The following PEBP4 variants were observed in gnomAD, a reference collection of about 807,000 sequenced individuals.
The protein encoded by PEBP4 is phosphatidylethanolamine binding protein 4.
Under a neutral mutation model 23.9 loss-of-function variants are expected in PEBP4, and 22 were observed. The observed-to-expected ratio is 0.92, with a 90% confidence interval of 0.66 to 1.31. PEBP4 has a LOEUF of 1.31. PEBP4 is among the 40% of genes most tolerant of loss of function. The pLI is 0.00. For missense variants in PEBP4, 324 were observed against 281.7 expected (o/e 1.15, Z -1.07); for synonymous variants, 112 against 99.3 (o/e 1.13, Z -0.76).
intron 3 of PEBP4, among the ~76,000 whole-genome samples, chr8:22,860,207 C>T (rs536260864): frequency 4.4e-5 from 6 of 135,878 alleles, no homozygotes; most frequent in African/African-American, 1.7e-4. Flanking sequence ...TATATATATA[C>T]ACATATATGT....
chr8:22,727,756 A>G (rs1188686516), intron 4 of PEBP4, among the ~76,000 whole-genome samples: 1 of 152,144 alleles, frequency 6.6e-6, no homozygotes, highest in Non-Finnish European at 1.5e-5. Context: ...AGGAGGCTAC[A>G]CTGCCTGATT....
At chr8:22,800,708 T>C (rs1455917468) in intron 4 of PEBP4, among the ~76,000 whole-genome samples, 4 of 152,106 alleles carry the variant, frequency 2.6e-5, no homozygotes, top group African/African-American at 9.7e-5. Context: ...TCCCTGGGAT[T>C]ACAGCAGGAC....
chr8:22,860,634 T>G (rs1807756801), intron 3 of PEBP4, among the ~76,000 whole-genome samples: 2 of 152,304 alleles, frequency 1.3e-5, no homozygotes, highest in Non-Finnish European at 2.9e-5. Flanking sequence ...TCCCATCTTT[T>G]TTGCCCTCTC....
At chr8:22,790,097 CCTCT>C (rs1411147090) in intron 4 of PEBP4, among the ~76,000 whole-genome samples, 2 of 152,216 alleles carry the variant, frequency 1.3e-5, no homozygotes, top group Non-Finnish European at 2.9e-5. Context: ...CCCCATCAAC[CCTCT>C]CTAAGTCTCA....
rs377109138 is a variant in PEBP4, at chr8:22,927,622, G to A, written c.93C>T (p.Ala31=). Residue 31 remains alanine, a synonymous_variant, in exon 2 of 7, where the codon GCC becomes GCT. Transcript: ENST00000256404. The part of the protein sequence containing the change: ...TGDEDENSPC[A]HEALLDEDTL... ...TGTCCTCGTCCAAGAGGGCCTCATG[G>A]GCACACGGGCTGTTCTCATCCTCGT... The A allele has an allele frequency of 6.2e-7, 1 of 1,613,422 alleles. No individual in the cohort carries two copies. The highest frequency in any genetic ancestry group is 8.5e-7 in the Non-Finnish European group (1 of 1,179,650).
chr8:22,747,115 T>C (rs942041662), intron 4 of PEBP4, among the ~76,000 whole-genome samples: 1 of 152,236 alleles, frequency 6.6e-6, no homozygotes, highest in Non-Finnish European at 1.5e-5. Context: ...AGGCATGAGC[T>C]ACCATACCTG....
At chr8:22,782,984 G>A (rs554826232) in intron 4 of PEBP4, among the ~76,000 whole-genome samples, 11 of 152,304 alleles carry the variant, frequency 7.2e-5, no homozygotes, top group East Asian at 1.9e-4. Flanking sequence ...CAGCAATCCC[G>A]GGAGGTTCCA....
chr8:22,728,551 TCTTTCTTTCTTCCTTCCTTCCTTC>T (rs1563196286), intron 4 of PEBP4, among the ~76,000 whole-genome samples: 1 of 75,606 alleles, frequency 1.3e-5, no homozygotes, highest in African/African-American at 4.6e-5. Flanking sequence ...TTCCTTTCTT[TCTTTCTTTCTTCCTTCCTTCCTTC>T]CTTCCTTCCT....
At chr8:22,876,977 G>A (rs1285864266) in intron 3 of PEBP4, among the ~76,000 whole-genome samples, 1 of 152,178 alleles carries the variant, frequency 6.6e-6, no homozygotes, top group Non-Finnish European at 1.5e-5. Flanking sequence ...TCTTTGCCAG[G>A]ACTGAAATGT....
intron 3 of PEBP4, among the ~76,000 whole-genome samples, chr8:22,844,435 C>A (rs1043447051): frequency 6.6e-6 from 1 of 152,116 alleles, no homozygotes; most frequent in African/African-American, 2.4e-5. Flanking sequence ...GACGGGCTTT[C>A]TCCATGTTGG....
At chr8:22,817,771 T>A (rs1324336910) in intron 3 of PEBP4, 36 bp from the exon 4 acceptor site, 1 of 1,588,314 alleles carries the variant, frequency 6.3e-7, no homozygotes, top group Non-Finnish European at 8.6e-7. Context: ...TGTAGCGTCA[T>A]GGCTGAAATA....
At chr8:22,819,707 C>T (rs953889759) in intron 3 of PEBP4, among the ~76,000 whole-genome samples, 4 of 152,138 alleles carry the variant, frequency 2.6e-5, no homozygotes, top group East Asian at 1.9e-4. Flanking sequence ...CCGGGGTTCA[C>T]GCCATTCTCC....
At chr8:22,893,209 T>A (rs1211284011) in intron 3 of PEBP4, among the ~76,000 whole-genome samples, 1 of 152,178 alleles carries the variant, frequency 6.6e-6, no homozygotes, top group African/African-American at 2.4e-5. Context: ...GGGAGAGTAT[T>A]CAGCAGTGGG....
At chr8:22,868,324 T>C (rs1807947126) in intron 3 of PEBP4, among the ~76,000 whole-genome samples, 1 of 152,190 alleles carries the variant, frequency 6.6e-6, no homozygotes, top group Admixed American at 6.5e-5. Flanking sequence ...TTTGGTAGCC[T>C]GGATTTGTTC....
intron 3 of PEBP4, among the ~76,000 whole-genome samples, chr8:22,867,091 C>A (rs1279893777): frequency 6.6e-6 from 1 of 152,142 alleles, no homozygotes; most frequent in South Asian, 2.1e-4. Flanking sequence ...GGAAGCCCCT[C>A]GGGTAGAGAA....
At chr8:22,737,945 G>A (rs112097266) in intron 4 of PEBP4, among the ~76,000 whole-genome samples, 3 of 152,212 alleles carry the variant, frequency 2.0e-5, no homozygotes, top group East Asian at 1.9e-4. Context: ...GGTGGTTGCC[G>A]GGGAGTAGAC....
chr8:22,862,096 AG>A (rs968354521), intron 3 of PEBP4, among the ~76,000 whole-genome samples: 2 of 152,176 alleles, frequency 1.3e-5, no homozygotes, highest in African/African-American at 2.4e-5. Context: ...AAAGATCAAA[AG>A]CACTCCGGCT....
At chr8:22,881,089 GGAA>G (rs1353176849) in intron 3 of PEBP4, among the ~76,000 whole-genome samples, 1 of 152,210 alleles carries the variant, frequency 6.6e-6, no homozygotes, top group Non-Finnish European at 1.5e-5. Context: ...AGTGCAGGAG[GGAA>G]GAAGAAGCCA....
chr8:22,940,586 T>C (rs978818550), intron 1 of PEBP4, among the ~76,000 whole-genome samples: 1 of 144,496 alleles, frequency 6.9e-6, no homozygotes, highest in Non-Finnish European at 1.5e-5. Flanking sequence ...CCTCCCGGGT[T>C]CATGCCATTC....
Sources: gnomAD v4.1 joint callset for allele counts (sites outside exome capture counted in the v4.1 genomes callset) on GRCh38, gnomAD v4.1.1 for gene constraint, MANE v1.5 for transcripts, NCBI Gene and HGNC (gene_info 2026-07-23, HGNC 2026-07-21) for gene names.